Variants in ZNF718 observed in about 807,000 individuals in gnomAD.
The protein encoded by ZNF718 is zinc finger protein 718.
In ZNF718, 3 loss-of-function variants were observed where a neutral mutation model predicts 2.6. The observed-to-expected ratio is 1.16, with a 90% CI of 0.53 to 3.01. The LOEUF (loss-of-function observed/expected upper bound fraction) is 3.01, where lower values mean the gene tolerates loss of function less well. Ranked by LOEUF, ZNF718 falls within the 30% of genes most tolerant of loss-of-function variation. The pLI, the probability that ZNF718 is intolerant of heterozygous loss-of-function variation, is 0.03. For missense variants in ZNF718, 468 were observed against 230.0 expected (o/e 2.03, Z -6.69); for synonymous variants, 135 against 77.9 (o/e 1.73, Z -3.86).
At chr4:196,219 A>G (rs181921253) in intron 3 of ZNF718, among the ~76,000 whole-genome samples, 1 of 152,330 alleles carries the variant, frequency 6.6e-6, no homozygotes, top group African/African-American at 2.4e-5. Flanking sequence ...AAATTGGGGA[A>G]GGAGAGCATC....
chr4:178,462 G>A (rs1717393748), intron 3 of ZNF718, among the ~76,000 whole-genome samples: 1 of 151,978 alleles, frequency 6.6e-6, no homozygotes, highest in Non-Finnish European at 1.5e-5. Context: ...AATATCTTGG[G>A]AAACCTCTAT....
At chr4:144,078 C>A (rs1382711990) in intron 3 of ZNF718, among the ~76,000 whole-genome samples, 1 of 152,066 alleles carries the variant, frequency 6.6e-6, no homozygotes, top group African/African-American at 2.4e-5. Flanking sequence ...TTTACTTCAC[C>A]CTCTCCATTT....
rs1400314983 is a variant in ZNF718, at chr4:132,787, C to CT, written c.226+1283dup. On this transcript the variant is annotated intron_variant, in intron 3 of 3. Transcript: ENST00000510175. ...TAAACTGAGATTTGTAATTTAAACT[C>CT]TATTTTTGCAAGTTTTCAAATTATT... Among the ~76,000 whole-genome samples, 15 of 104,022 alleles carry CT rather than the reference C, an allele frequency of 1.4e-4. 4 individuals are homozygous for CT. The highest frequency in any genetic ancestry group is 5.0e-4 in the African/African-American group (15 of 30,090). The allele number at this position is 104,022 out of a possible 152,430, so 68.2% of individuals were successfully genotyped here. A position where few individuals can be genotyped will look rare whatever the true frequency, so the allele number is the denominator to read the frequency against.
At chr4:174,986 C>T (rs540046667) in intron 3 of ZNF718, among the ~76,000 whole-genome samples, 11 of 152,310 alleles carry the variant, frequency 7.2e-5, no homozygotes, top group African/African-American at 2.4e-4. Flanking sequence ...TTTACCATGG[C>T]TAGAACTTCT....
chr4:148,388 C>G (rs1420333137), intron 3 of ZNF718, among the ~76,000 whole-genome samples: 1 of 151,928 alleles, frequency 6.6e-6, no homozygotes, highest in Non-Finnish European at 1.5e-5. Flanking sequence ...GTGGGCGGAC[C>G]ACCTGAGGTC....
At chr4:179,427 C>T (rs1372554100) in intron 3 of ZNF718, among the ~76,000 whole-genome samples, 1 of 152,108 alleles carries the variant, frequency 6.6e-6, no homozygotes, top group East Asian at 1.9e-4. Context: ...AGAGAAGTAA[C>T]ATTGGAATTT....
chr4:193,392 A>C (rs1431997677), intron 3 of ZNF718, among the ~76,000 whole-genome samples: 1 of 151,904 alleles, frequency 6.6e-6, no homozygotes, highest in Non-Finnish European at 1.5e-5. Flanking sequence ...TTCTCTCCAT[A>C]TTGCTGTGTG....
chr4:154,764 A>C (rs1716487201), intron 3 of ZNF718, among the ~76,000 whole-genome samples: 1 of 152,138 alleles, frequency 6.6e-6, no homozygotes, highest in Admixed American at 6.6e-5. Flanking sequence ...GACAAGAAAA[A>C]CCCATTTTCT....
chr4:177,634 G>A (rs868981623), intron 3 of ZNF718, among the ~76,000 whole-genome samples: 22 of 152,164 alleles, frequency 1.4e-4, no homozygotes, highest in Middle Eastern at 6.8e-3. Context: ...TCCTCTAACA[G>A]GAATATTAAC....
intron 3 of ZNF718, among the ~76,000 whole-genome samples, chr4:151,011 A>T (rs538138166): frequency 6.6e-6 from 1 of 152,136 alleles, no homozygotes. Flanking sequence ...TTTTTTTCCT[A>T]TAATGGCTCT....
At chr4:159,814 A>G (rs1402172278) in intron 3 of ZNF718, among the ~76,000 whole-genome samples, 3 of 152,062 alleles carry the variant, frequency 2.0e-5, no homozygotes, top group African/African-American at 7.2e-5. Context: ...TAATTGGGCC[A>G]TGTTGCCCTA....
rs199814257 is a variant in ZNF718 at position 157,103 on chromosome 4, C to CTTTTTTTT, written c.227-3788_227-3781dup. ...TTTCTTTTTGTTTCTTTCTTTCTTT[C>CTTTTTTTT]TTTTTTTTTTTTTTTTTTTTTTTTT... On this transcript the variant is annotated intron_variant, in intron 3 of 3. Transcript: ENST00000510175. 2.7e-4 allele frequency among the ~76,000 whole-genome samples: 28 copies of CTTTTTTTT among 103,146 alleles called. 1 individual carries two copies. The highest frequency in any genetic ancestry group is 4.2e-4 in the Non-Finnish European group (22 of 51,848). 67.7% of individuals were successfully genotyped at this position (103,146 alleles called of 152,430 possible).
chr4:124,723 C>T, intron 1 of ZNF718, 50 bp downstream of exon 1: 1 of 1,604,408 alleles, frequency 6.2e-7, no homozygotes, highest in Non-Finnish European at 8.5e-7. Context: ...CTCATCGGAA[C>T]CGGCGGGAAA....
At chr4:189,046 G>C (rs1717636733) in intron 3 of ZNF718, among the ~76,000 whole-genome samples, 1 of 146,866 alleles carries the variant, frequency 6.8e-6, no homozygotes, top group African/African-American at 2.5e-5. Context: ...AATTTACATT[G>C]AATCTGTAGA....
chr4:200,549 G>A (rs782419746), intron 3 of ZNF718, among the ~76,000 whole-genome samples: 4 of 152,180 alleles, frequency 2.6e-5, no homozygotes, highest in Non-Finnish European at 5.9e-5. Flanking sequence ...TTACAGGCAT[G>A]AGTCACCGTG....
intron 3 of ZNF718, among the ~76,000 whole-genome samples, chr4:186,766 TTATGTTTC>T (rs1404706229): frequency 1.3e-5 from 2 of 152,176 alleles, no homozygotes; most frequent in East Asian, 1.9e-4. Flanking sequence ...ATCAGGTCAT[TTATGTTTC>T]TATGTATACT....
At chr4:146,815 T>G (rs1000140070) in intron 3 of ZNF718, among the ~76,000 whole-genome samples, 1 of 151,866 alleles carries the variant, frequency 6.6e-6, no homozygotes, top group South Asian at 2.1e-4. Flanking sequence ...AAGCTTTCTC[T>G]TAAATTTTTC....
At chr4:192,942 A>C (rs896147926) in intron 3 of ZNF718, among the ~76,000 whole-genome samples, 1 of 152,128 alleles carries the variant, frequency 6.6e-6, no homozygotes, top group Non-Finnish European at 1.5e-5. Context: ...GTAAATAATG[A>C]TTTGGCCATC....
chr4:151,011 A>G (rs538138166), intron 3 of ZNF718, among the ~76,000 whole-genome samples: 5 of 152,252 alleles, frequency 3.3e-5, no homozygotes, highest in South Asian at 2.1e-4. Context: ...TTTTTTTCCT[A>G]TAATGGCTCT....
Sources: gnomAD v4.1 joint callset for allele counts (sites outside exome capture counted in the v4.1 genomes callset) on GRCh38, gnomAD v4.1.1 for gene constraint, MANE v1.5 for transcripts, NCBI Gene and HGNC (gene_info 2026-07-23, HGNC 2026-07-21) for gene names.